Variants in CDH13 observed in about 807,000 individuals in gnomAD.
CDH13 encodes cadherin 13.
CDH13 carries 24 observed loss-of-function variants against 63.8 expected under a neutral mutation model. The observed-to-expected ratio is 0.38, with a 90% CI of 0.27 to 0.53. CDH13 has a LOEUF of 0.53. CDH13 is among the 20% of genes least tolerant of loss of function. The pLI, the probability that CDH13 is intolerant of heterozygous loss-of-function variation, is 0.85. For synonymous variants in CDH13, 503 were observed against 355.3 expected, an observed-to-expected ratio of 1.42 and a Z score of -4.67; for missense variants, 1,049 against 903.1, an observed-to-expected ratio of 1.16 and a Z score of -2.07.
intron 4 of CDH13, among the ~76,000 whole-genome samples, chr16:83,209,981 G>C (rs1367081971): frequency 6.6e-6 from 1 of 152,116 alleles, no homozygotes; most frequent in African/African-American, 2.4e-5. Flanking sequence ...CTTCGGACTG[G>C]AGAAGCAGGT....
intron 1 of CDH13, among the ~76,000 whole-genome samples, chr16:82,761,511 A>G (rs556829279): frequency 1.3e-5 from 2 of 152,228 alleles, no homozygotes; most frequent in South Asian, 4.1e-4. Context: ...TCAGAAGGCT[A>G]CTTCTCAATC....
chr16:83,070,484 A>G (rs563873928), intron 3 of CDH13, among the ~76,000 whole-genome samples: 3 of 152,274 alleles, frequency 2.0e-5, no homozygotes, highest in South Asian at 4.1e-4. Flanking sequence ...TTTACTGTTG[A>G]TGTTTTTATG....
chr16:82,886,093 C>T (rs984202354), intron 2 of CDH13, among the ~76,000 whole-genome samples: 1 of 151,920 alleles, frequency 6.6e-6, no homozygotes, highest in South Asian at 2.1e-4. Context: ...TACTGATATC[C>T]ATCTGTTTCA....
chr16:83,267,923 A>G (rs2088674434), intron 5 of CDH13, among the ~76,000 whole-genome samples: 4 of 152,214 alleles, frequency 2.6e-5, no homozygotes, highest in Admixed American at 6.5e-5. Flanking sequence ...AGACCAAGTG[A>G]AGTGTCTCTC....
intron 5 of CDH13, among the ~76,000 whole-genome samples, chr16:83,326,758 A>G (rs139235149): frequency 6.6e-6 from 1 of 152,300 alleles, no homozygotes; most frequent in East Asian, 1.9e-4. Flanking sequence ...TGGCCAGGAC[A>G]CTTAAGAAAG....
chr16:83,330,623 G>A (rs150441688), intron 5 of CDH13, among the ~76,000 whole-genome samples: 1 of 152,184 alleles, frequency 6.6e-6, no homozygotes, highest in Non-Finnish European at 1.5e-5. Context: ...GGCAGGGAAT[G>A]AGAGCCAGAA....
chr16:83,202,694 G>A (rs766659952), intron 4 of CDH13, among the ~76,000 whole-genome samples: 2 of 152,206 alleles, frequency 1.3e-5, no homozygotes, highest in African/African-American at 4.8e-5. Flanking sequence ...GGCAGTCAAC[G>A]TGAATTTCCA....
chr16:83,458,960 C>A (rs1204866624), intron 6 of CDH13, among the ~76,000 whole-genome samples: 10 of 152,230 alleles, frequency 6.6e-5, no homozygotes. Flanking sequence ...TGTCTATTTA[C>A]AGATGATGAA....
At chr16:82,912,634 G>C (rs982718183) in intron 2 of CDH13, among the ~76,000 whole-genome samples, 1 of 152,226 alleles carries the variant, frequency 6.6e-6, no homozygotes, top group South Asian at 2.1e-4. Context: ...TGTGCTTTCT[G>C]TTATTGCATT....
intron 3 of CDH13, among the ~76,000 whole-genome samples, chr16:83,045,247 A>G (rs770331452): frequency 6.6e-6 from 1 of 152,202 alleles, no homozygotes; most frequent in Non-Finnish European, 1.5e-5. Flanking sequence ...ATCATGACCC[A>G]TTAATAAAAC....
At chr16:83,462,860 A>G (rs2073215177) in intron 6 of CDH13, among the ~76,000 whole-genome samples, 1 of 152,142 alleles carries the variant, frequency 6.6e-6, no homozygotes, top group Non-Finnish European at 1.5e-5. Context: ...CAATTTGTCC[A>G]ATAAAAGTTT....
intron 1 of CDH13, among the ~76,000 whole-genome samples, chr16:82,674,857 A>C (rs1302620215): frequency 6.6e-6 from 1 of 152,226 alleles, no homozygotes; most frequent in African/African-American, 2.4e-5. Context: ...AGAATAAGTT[A>C]TCTCTTTATA....
intron 4 of CDH13, among the ~76,000 whole-genome samples, chr16:83,210,586 C>T (rs114506619): frequency 0.013 from 1,985 of 152,092 alleles, 43 homozygotes; most frequent in African/African-American, 0.045. Context: ...GAGGACAAAG[C>T]AGACAAAGTA....
intron 10 of CDH13, among the ~76,000 whole-genome samples, chr16:83,694,807 G>A (rs1490961503): frequency 4.6e-5 from 7 of 152,186 alleles, no homozygotes. Flanking sequence ...GCTGGACTAG[G>A]GAGAGTCAAG....
intron 3 of CDH13, among the ~76,000 whole-genome samples, chr16:83,094,675 C>A (rs575971177): frequency 6.6e-6 from 1 of 152,192 alleles, no homozygotes; most frequent in African/African-American, 2.4e-5. Flanking sequence ...ATAAAGGGAT[C>A]TGAGCAGCAA....
intron 8 of CDH13, among the ~76,000 whole-genome samples, chr16:83,646,712 A>AAAAAAAAACACACAC (rs1168012793): frequency 7.6e-4 from 61 of 80,496 alleles, no homozygotes; most frequent in Non-Finnish European, 1.2e-3. Flanking sequence ...AAAAAAAAAA[A>AAAAAAAAACACACAC]ACACACACAC....
intron 6 of CDH13, among the ~76,000 whole-genome samples, chr16:83,485,583 G>T (rs1211045319): frequency 1.3e-5 from 2 of 151,908 alleles, no homozygotes; most frequent in Non-Finnish European, 2.9e-5. Flanking sequence ...ATGCCTTTTT[G>T]CTCTGAGGTC....
chr16:83,682,593 A>T (rs1915497256), intron 10 of CDH13, among the ~76,000 whole-genome samples: 4 of 152,080 alleles, frequency 2.6e-5, no homozygotes, highest in Admixed American at 2.0e-4. Context: ...CGGTCACCAC[A>T]GTTGCTGCTG....
At chr16:82,858,228 G>A (rs886216804) in intron 1 of CDH13, 134 bp from the exon 2 acceptor site, 2 of 619,608 alleles carry the variant, frequency 3.2e-6, no homozygotes, top group Non-Finnish European at 2.9e-6. Flanking sequence ...CACTGGAGAA[G>A]TTTCAACTTA....
Sources: gnomAD v4.1 joint callset for allele counts (sites outside exome capture counted in the v4.1 genomes callset) on GRCh38, gnomAD v4.1.1 for gene constraint, MANE v1.5 for transcripts, NCBI Gene and HGNC (gene_info 2026-07-23, HGNC 2026-07-21) for gene names.